Variants in OR2L13 observed in about 807,000 individuals in gnomAD.
OR2L13 encodes the protein olfactory receptor family 2 subfamily L member 13, also known as olfactory receptor 2L13.
In OR2L13, 14 loss-of-function variants were observed where a neutral mutation model predicts 15.3. That is an observed-to-expected ratio of 0.91 (90% CI 0.60 to 1.43). The LOEUF (loss-of-function observed/expected upper bound fraction) is 1.43, where lower values mean the gene tolerates loss of function less well. OR2L13 is among the 40% of genes most tolerant of loss of function. The pLI is 0.00. For synonymous variants in OR2L13, 152 were observed against 142.9 expected (o/e 1.06, Z -0.45); for missense variants, 367 against 387.9 (o/e 0.95, Z 0.45).
the OR2L13 span, among the ~76,000 whole-genome samples, chr1:247,968,940 A>G: frequency 3.5e-4 from 54 of 152,304 alleles, no homozygotes; most frequent in African/African-American, 1.2e-3. Context: ...GCAATGGTTG[A>G]ACTAATTTAC....
chr1:247,962,838 T>C, the OR2L13 span, among the ~76,000 whole-genome samples: 1,412 of 152,316 alleles, frequency 9.3e-3, 17 homozygotes, highest in Non-Finnish European at 0.015. Context: ...TTGATGCAAT[T>C]CCTTGCTCAT....
the OR2L13 span, among the ~76,000 whole-genome samples, chr1:247,963,165 A>G: frequency 6.6e-6 from 1 of 152,216 alleles, no homozygotes; most frequent in Non-Finnish European, 1.5e-5. Flanking sequence ...TGAGCTTACC[A>G]CATACTTGGG....
At chr1:247,991,666 G>A in the OR2L13 span, among the ~76,000 whole-genome samples, 1 of 149,282 alleles carries the variant, frequency 6.7e-6, no homozygotes, top group Non-Finnish European at 1.5e-5. Flanking sequence ...GTAGCCACTG[G>A]TATTCTCGTG....
chr1:247,986,938 A>C, the OR2L13 span, among the ~76,000 whole-genome samples: 1 of 152,156 alleles, frequency 6.6e-6, no homozygotes, highest in African/African-American at 2.4e-5. Flanking sequence ...TAAATACAGG[A>C]TATATTTCCA....
At chr1:247,999,546 C>T in the OR2L13 span, among the ~76,000 whole-genome samples, 10 of 152,264 alleles carry the variant, frequency 6.6e-5, no homozygotes, top group South Asian at 2.1e-4. Context: ...ATGTGTAAGA[C>T]CAGTTATTCC....
the OR2L13 span, among the ~76,000 whole-genome samples, chr1:247,970,008 G>A: frequency 6.6e-6 from 1 of 152,144 alleles, no homozygotes; most frequent in African/African-American, 2.4e-5. Flanking sequence ...CTATACTTCA[G>A]TCAGTTACTG....
At chr1:247,968,880 A>G in the OR2L13 span, among the ~76,000 whole-genome samples, 1 of 152,192 alleles carries the variant, frequency 6.6e-6, no homozygotes, top group Non-Finnish European at 1.5e-5. Context: ...TGGCTGGGTC[A>G]GATGGTATTT....
chr1:247,997,664 A>C, the OR2L13 span, among the ~76,000 whole-genome samples: 46 of 152,324 alleles, frequency 3.0e-4, no homozygotes, highest in Non-Finnish European at 5.1e-4. Flanking sequence ...AACAAAAAAA[A>C]CTGAAATAAT....
the OR2L13 span, among the ~76,000 whole-genome samples, chr1:247,955,888 T>C: frequency 6.6e-6 from 1 of 151,964 alleles, no homozygotes; most frequent in African/African-American, 2.4e-5. Context: ...TCCCATTGTG[T>C]AGGTTGCCTG....
chr1:248,090,331 C>A (rs1572737137), upstream of OR2L13, among the ~76,000 whole-genome samples: 1 of 146,414 alleles, frequency 6.8e-6, no homozygotes, highest in African/African-American at 2.5e-5. Flanking sequence ...GGTATATGTG[C>A]AAATTTGTCA....
chr1:248,017,574 A>T, the OR2L13 span, among the ~76,000 whole-genome samples: 4 of 152,200 alleles, frequency 2.6e-5, no homozygotes, highest in African/African-American at 9.6e-5. Flanking sequence ...CTTCTGCCTT[A>T]TTGGGAAGTG....
At chr1:247,986,106 T>G in the OR2L13 span, among the ~76,000 whole-genome samples, 14 of 152,168 alleles carry the variant, frequency 9.2e-5, no homozygotes, top group African/African-American at 3.4e-4. Flanking sequence ...AGAAGCTCTT[T>G]AGTTTAATTA....
At chr1:248,030,441 G>A in the OR2L13 span, among the ~76,000 whole-genome samples, 1 of 152,152 alleles carries the variant, frequency 6.6e-6, no homozygotes. Flanking sequence ...ATTCATAAAT[G>A]TGTTTTCTGG....
the OR2L13 span, among the ~76,000 whole-genome samples, chr1:248,002,596 C>T: frequency 4.8e-3 from 729 of 152,310 alleles, 7 homozygotes; most frequent in African/African-American, 0.015. Flanking sequence ...CAGTGGCTCA[C>T]GCCTGTAATC....
the OR2L13 span, among the ~76,000 whole-genome samples, chr1:248,054,877 A>T: frequency 6.6e-6 from 1 of 152,142 alleles, no homozygotes; most frequent in Admixed American, 6.6e-5. Context: ...GAATCATATC[A>T]TCTGAAACAA....
chr1:247,948,911 A>C, the OR2L13 span: 7 of 1,613,588 alleles, frequency 4.3e-6, no homozygotes, highest in Non-Finnish European at 5.1e-6. Context: ...GGCTGTTTCC[A>C]CCATCAAGAA....
At chr1:247,981,976 C>A in the OR2L13 span, among the ~76,000 whole-genome samples, 2 of 151,970 alleles carry the variant, frequency 1.3e-5, no homozygotes, top group Admixed American at 1.3e-4. Context: ...CCACCACGCC[C>A]GGCTAATGTT....
the OR2L13 span, chr1:248,039,388 A>G: frequency 2.4e-6 from 1 of 416,712 alleles, no homozygotes; most frequent in Non-Finnish European, 4.1e-6. Flanking sequence ...TAAGACATCT[A>G]TTTTGATTTT....
At chr1:247,990,189 T>A in the OR2L13 span, 3 of 588,076 alleles carry the variant, frequency 5.1e-6, no homozygotes, top group South Asian at 1.9e-5. Flanking sequence ...TTGAAATGCA[T>A]CCCCTGCAGA....
Sources: allele counts gnomAD v4.1 joint callset (sites outside exome capture counted in the v4.1 genomes callset), GRCh38; gene constraint gnomAD v4.1.1; transcripts MANE v1.5; gene names NCBI Gene and HGNC (gene_info 2026-07-23, HGNC 2026-07-21).